The following ZNF680 variants were observed in gnomAD, a reference collection of about 807,000 sequenced individuals.
ZNF680 encodes hypothetical protein FLJ90430.
In ZNF680, 6 loss-of-function variants were observed where a neutral mutation model predicts 12.1. That is an observed-to-expected ratio of 0.49 (90% CI 0.27 to 0.98). ZNF680 has a LOEUF of 0.98. ZNF680 is among the 50% of genes least tolerant of loss of function. ZNF680 has a pLI of 0.12. For missense variants in ZNF680, 561 were observed against 616.3 expected, an observed-to-expected ratio of 0.91 and a Z score of 0.95; for synonymous variants, 170 against 199.3, an observed-to-expected ratio of 0.85 and a Z score of 1.24.
chr7:64,542,753 C>T (rs1786574214), intron 3 of ZNF680, among the ~76,000 whole-genome samples: 1 of 152,108 alleles, frequency 6.6e-6, no homozygotes, highest in South Asian at 2.1e-4. Context: ...GGCTGGAGTG[C>T]AGTGGTACAA....
intron 1 of ZNF680, among the ~76,000 whole-genome samples, chr7:64,558,794 TTCAA>T (rs1166856201): frequency 2.0e-5 from 3 of 152,120 alleles, no homozygotes; most frequent in Admixed American, 2.0e-4. Context: ...TTTTTTTTTT[TTCAA>T]TCAATTTTGA....
intron 3 of ZNF680, among the ~76,000 whole-genome samples, chr7:64,530,645 G>A (rs1416895625): frequency 6.6e-6 from 1 of 151,970 alleles, no homozygotes; most frequent in Non-Finnish European, 1.5e-5. Context: ...TGGATCACAA[G>A]ATCAGGAGTT....
intron 1 of ZNF680, among the ~76,000 whole-genome samples, chr7:64,560,403 T>C (rs1410254091): frequency 6.6e-6 from 1 of 152,180 alleles, no homozygotes; most frequent in Non-Finnish European, 1.5e-5. Flanking sequence ...CGTGTGCCAC[T>C]GCACTCGGCC....
intron 2 of ZNF680, 82 bp from the exon 3 acceptor site, chr7:64,543,884 G>A: frequency 1.7e-6 from 2 of 1,144,162 alleles, no homozygotes; most frequent in South Asian, 1.4e-5. Context: ...TAAAGAGAAT[G>A]TCATAGCATA....
At position 64,519,896 on chromosome 7, in the gene ZNF680, G is replaced by A. The variant is rs1399551607; in HGVS notation, c.*1265C>T. 1.3e-5 allele frequency: 2 copies of A among 151,680 alleles called. No homozygotes were observed. Among genetic ancestry groups the A allele is most frequent in the African/African-American group, 4.8e-5 (2 of 41,356 alleles). The allele number at this position is 151,680 out of a possible 1,614,324, so 9.4% of individuals were successfully genotyped here. A position where few individuals can be genotyped will look rare whatever the true frequency, so the allele number is the denominator to read the frequency against. On this transcript the variant is annotated 3_prime_UTR_variant, in exon 4 of 4. Coordinates refer to ENST00000309683, the MANE Select transcript of ZNF680 (RefSeq NM_178558.5). ...AATAGTCTTAACATGTTAAAGAAAT[G>A]TTTAATTATAAAATTAAGCTTATAC...
chr7:64,499,974 C>T, the ZNF680 span, among the ~76,000 whole-genome samples: 5 of 152,212 alleles, frequency 3.3e-5, no homozygotes, highest in African/African-American at 1.2e-4. Context: ...ACACACAACT[C>T]TCCCTCCCAG....
rs1423745673 is a variant in ZNF680 at position 64,520,379 on chromosome 7, C to A, written c.*782G>T. Reference sequence around the variant, plus strand: ...ATGTAATTATAACTCTCCAAAGAATCTTCTACTCCTTTTAAAGTTATTTAC... The same window carrying A: ...ATGTAATTATAACTCTCCAAAGAATATTCTACTCCTTTTAAAGTTATTTAC... On this transcript the variant is annotated 3_prime_UTR_variant, in exon 4 of 4. Coordinates refer to ENST00000309683, the MANE Select transcript of ZNF680 (RefSeq NM_178558.5). The A allele has an allele frequency of 5.3e-5, 8 of 151,686 alleles. No homozygotes were observed. Among genetic ancestry groups the A allele is most frequent in the African/African-American group, 1.9e-4 (8 of 41,390 alleles). The allele number at this position is 151,686 out of a possible 1,614,324, so 9.4% of individuals were successfully genotyped here.
At chr7:64,530,182 T>A (rs6954460) in intron 3 of ZNF680, among the ~76,000 whole-genome samples, 1 of 152,034 alleles carries the variant, frequency 6.6e-6, no homozygotes, top group Non-Finnish European at 1.5e-5. Flanking sequence ...TTTGGAAATA[T>A]ACCAAAACAG....
rs1190183548 is a variant in ZNF680 at position 64,520,519 on chromosome 7, C to A, written c.*642G>T. 6.6e-6 allele frequency: 1 copy of A among 151,726 alleles called. No homozygotes were observed. The highest frequency in any genetic ancestry group is 1.9e-4 in the East Asian group (1 of 5,186). The allele number at this position is 151,726 out of a possible 1,614,324, so 9.4% of individuals were successfully genotyped here. On this transcript the variant is annotated 3_prime_UTR_variant, in exon 4 of 4. Transcript: ENST00000309683. ...GTAAATTATTTAATATTTACATAGACTCAATTTTGGATTAAATATTTTTCA... is the reference window on the plus strand; with the variant it reads ...GTAAATTATTTAATATTTACATAGAATCAATTTTGGATTAAATATTTTTCA...
At position 64,522,113 on chromosome 7, in the gene ZNF680, T is replaced by G; in HGVS notation, c.641A>C (p.Glu214Ala). The G allele has an allele frequency of 3.7e-6, 6 of 1,611,252 alleles. No homozygotes were observed. Among genetic ancestry groups the G allele is most frequent in the Admixed American group, 1.7e-5 (1 of 59,732 alleles). Residue 214 changes from glutamate to alanine, a missense_variant, in exon 4 of 4, where the codon GAA becomes GCA. Coordinates refer to ENST00000309683, the MANE Select transcript of ZNF680 (RefSeq NM_178558.5). ...GAACCAGTTAAGAACTTTGCCACAT[T>G]CCTCACATTTGTAAGAATTCTCTCT... ...HTRENSYKCEECGKVLNWFSE... is the reference protein window; with the variant it reads ...HTRENSYKCEACGKVLNWFSE...
In ZNF680 at chr7:64,522,361, C is replaced by G. The variant is rs751422885; in HGVS notation, c.393G>C (p.Glu131Asp). 6.2e-7 allele frequency: 1 copy of G among 1,612,850 alleles called. No individual in the cohort carries two copies. Among genetic ancestry groups the G allele is most frequent in the African/African-American group, 1.3e-5 (1 of 74,894 alleles). The change falls in exon 4 of 4, where the codon GAG becomes GAC. Residue 131 changes from glutamate to aspartate, a missense_variant. Transcript: ENST00000309683. ...TATAACCTTCTTTGAACACCTTAGA[C>G]TCATCCACACTTTTACAACTTATTC... The part of the protein sequence containing the change: ...QLRISCKSVD[E>D]SKVFKEGYNE...
At chr7:64,531,249 A>G (rs1323837741) in intron 3 of ZNF680, among the ~76,000 whole-genome samples, 6 of 152,142 alleles carry the variant, frequency 3.9e-5, no homozygotes, top group African/African-American at 1.2e-4. Context: ...AGCCTCAATA[A>G]GTTAAAGAAT....
chr7:64,507,542 C>T, the ZNF680 span, among the ~76,000 whole-genome samples: 8 of 148,038 alleles, frequency 5.4e-5, no homozygotes, highest in Non-Finnish European at 1.0e-4. Context: ...GACGGAGTTT[C>T]GCTCTTGTCA....
At chr7:64,502,678 A>G in the ZNF680 span, among the ~76,000 whole-genome samples, 4 of 152,132 alleles carry the variant, frequency 2.6e-5, no homozygotes, top group African/African-American at 9.7e-5. Flanking sequence ...TCTTTATTAA[A>G]CCAGAAATTT....
intron 1 of ZNF680, among the ~76,000 whole-genome samples, chr7:64,561,807 C>T (rs1293229990): frequency 2.6e-5 from 4 of 151,336 alleles, no homozygotes; most frequent in Non-Finnish European, 5.9e-5. Context: ...TGGTGGCGGG[C>T]GCCTGTAGTC....
chr7:64,510,336 C>T, the ZNF680 span, among the ~76,000 whole-genome samples: 1,291 of 151,808 alleles, frequency 8.5e-3, 14 homozygotes, highest in African/African-American at 0.03. Flanking sequence ...AACCAAATAA[C>T]GCACCCCCAC....
chr7:64,546,656 T>C (rs913673717), intron 1 of ZNF680, among the ~76,000 whole-genome samples: 7 of 152,048 alleles, frequency 4.6e-5, no homozygotes, highest in African/African-American at 1.7e-4. Flanking sequence ...GGCAGGAGAA[T>C]TGCTAGAACC....
chr7:64,530,821 G>C (rs1785825213), intron 3 of ZNF680, among the ~76,000 whole-genome samples: 1 of 151,122 alleles, frequency 6.6e-6, no homozygotes, highest in South Asian at 2.1e-4. Flanking sequence ...TTGTGCCACT[G>C]CACTCCAGCC....
chr7:64,533,611 C>CGT (rs1786000201), intron 3 of ZNF680, among the ~76,000 whole-genome samples: 1 of 152,040 alleles, frequency 6.6e-6, no homozygotes, highest in South Asian at 2.1e-4. Context: ...TAAACAAACT[C>CGT]AATACAATCC....
Sources: gnomAD v4.1 joint callset for allele counts (sites outside exome capture counted in the v4.1 genomes callset) on GRCh38, gnomAD v4.1.1 for gene constraint, MANE v1.5 for transcripts, NCBI Gene and HGNC (gene_info 2026-07-23, HGNC 2026-07-21) for gene names.